Variants in DSCAM observed in about 807,000 individuals in gnomAD.
DSCAM encodes cell adhesion molecule DSCAM.
In DSCAM, 47 loss-of-function variants were observed where a neutral mutation model predicts 217.7. That is an observed-to-expected ratio of 0.22 (90% CI 0.17 to 0.28). The LOEUF (loss-of-function observed/expected upper bound fraction) is 0.28, where lower values mean the gene tolerates loss of function less well. Among genes scored for constraint, DSCAM ranks in the 10% least tolerant of loss-of-function variants. The pLI, the probability that DSCAM is intolerant of heterozygous loss-of-function variation, is 1.00. For missense variants in DSCAM, 2,080 were observed against 2,618.3 expected, an observed-to-expected ratio of 0.79 and a Z score of 4.49; for synonymous variants, 1,056 against 1,015.3, an observed-to-expected ratio of 1.04 and a Z score of -0.76.
intron 20 of DSCAM, among the ~76,000 whole-genome samples, chr21:40,121,299 A>G (rs1049605854): frequency 9.9e-5 from 15 of 152,220 alleles, no homozygotes; most frequent in African/African-American, 3.6e-4. Context: ...TCATATTTAA[A>G]ACAGAATAAT....
intron 16 of DSCAM, among the ~76,000 whole-genome samples, chr21:40,162,440 T>C (rs1437095965): frequency 6.6e-6 from 1 of 152,172 alleles, no homozygotes; most frequent in African/African-American, 2.4e-5. Context: ...GGGATTTTAG[T>C]GCAGAAGGCA....
chr21:40,243,685 ATT>A (rs754033137), intron 11 of DSCAM, among the ~76,000 whole-genome samples: 1 of 152,132 alleles, frequency 6.6e-6, no homozygotes, highest in Non-Finnish European at 1.5e-5. Flanking sequence ...TCCTCCACAC[ATT>A]GTTTCAGCAC....
rs2090850093 is a variant in DSCAM, at chr21:40,183,058, ACCGTGG to A, written c.2780-3970_2780-3965del. On this transcript the variant is annotated intron_variant, in intron 14 of 32. Coordinates refer to ENST00000400454, the MANE Select transcript of DSCAM (RefSeq NM_001389.5). ...TGGACAGGAGGGGGCTACCAGAGAA[ACCGTGG>A]ACAGGAGGGGGCTACCAGAGAAACC... 4.4e-5 allele frequency among the ~76,000 whole-genome samples: 3 copies of A among 68,694 alleles called. 1 individual carries two copies. Among genetic ancestry groups the A allele is most frequent in the Non-Finnish European group, 8.0e-5 (3 of 37,624 alleles). The allele number at this position is 68,694 out of a possible 152,430, so 45.1% of individuals were successfully genotyped here.
At chr21:40,734,760 T>G (rs1268255913) in intron 1 of DSCAM, among the ~76,000 whole-genome samples, 2 of 152,242 alleles carry the variant, frequency 1.3e-5, no homozygotes, top group Non-Finnish European at 2.9e-5. Context: ...ATACCCTTTT[T>G]TCCTTCTAAT....
chr21:40,327,467 T>C (rs1412481687), intron 8 of DSCAM, among the ~76,000 whole-genome samples: 6 of 152,200 alleles, frequency 3.9e-5, no homozygotes, highest in Admixed American at 2.0e-4. Flanking sequence ...GTTTTCTATA[T>C]ATATGGTCAT....
chr21:40,536,774 C>T (rs923775605), intron 3 of DSCAM, among the ~76,000 whole-genome samples: 11 of 152,106 alleles, frequency 7.2e-5, no homozygotes, highest in Admixed American at 6.5e-4. Flanking sequence ...CATAATATAA[C>T]GGCTGACACA....
At chr21:40,130,643 C>G (rs2090145576) in intron 19 of DSCAM, among the ~76,000 whole-genome samples, 1 of 151,860 alleles carries the variant, frequency 6.6e-6, no homozygotes, top group Admixed American at 6.6e-5. Context: ...GGATAAGAGA[C>G]TATGTCCATG....
intron 2 of DSCAM, among the ~76,000 whole-genome samples, chr21:40,696,922 C>A (rs1464160798): frequency 6.6e-6 from 1 of 152,098 alleles, no homozygotes; most frequent in African/African-American, 2.4e-5. Flanking sequence ...CACAGTAAAT[C>A]TTTTTTCTTC....
chr21:40,231,152 G>A (rs911451477), intron 11 of DSCAM, among the ~76,000 whole-genome samples: 18 of 142,516 alleles, frequency 1.3e-4, no homozygotes, highest in Non-Finnish European at 1.8e-4. Context: ...TAAATTTTCC[G>A]TGGAGAGTAG....
chr21:40,336,475 T>C (rs1261055380), intron 8 of DSCAM, among the ~76,000 whole-genome samples: 1 of 152,222 alleles, frequency 6.6e-6, no homozygotes, highest in Non-Finnish European at 1.5e-5. Context: ...TATTTTGATA[T>C]TGTATAACAA....
chr21:40,067,234 TC>T (rs1445415801), intron 27 of DSCAM, among the ~76,000 whole-genome samples: 1 of 152,180 alleles, frequency 6.6e-6, no homozygotes, highest in East Asian at 1.9e-4. Context: ...AAATACAGTT[TC>T]TACTGAATGC....
intron 3 of DSCAM, among the ~76,000 whole-genome samples, chr21:40,654,411 G>T (rs957095335): frequency 2.6e-5 from 4 of 152,202 alleles, no homozygotes; most frequent in African/African-American, 4.8e-5. Flanking sequence ...TGTGAAGCAA[G>T]AGGCTGTTCG....
At chr21:40,142,421 C>A in intron 18 of DSCAM, 137 bp downstream of exon 18, 4 of 936,948 alleles carry the variant, frequency 4.3e-6, no homozygotes, top group Non-Finnish European at 6.2e-6. Context: ...TGAGGGATGA[C>A]AGAAAAGGGG....
rs555984928 is a variant in DSCAM, at chr21:40,540,862, C to T, written c.508+151948G>A. The stretch of plus-strand genomic sequence containing the variant: ...GAGAAAATATTTTATTAAAAGGAAT[C>T]CCATATATATTACTTTTAAAGGTTT... On this transcript the variant is annotated intron_variant, in intron 3 of 32. Coordinates refer to ENST00000400454, the MANE Select transcript of DSCAM (RefSeq NM_001389.5). Among the ~76,000 whole-genome samples, 4 of 152,072 alleles carry T rather than the reference C, an allele frequency of 2.6e-5. No individual in the cohort carries two copies. The South Asian group carries it at 8.3e-4, about 32-fold the overall frequency.
intron 3 of DSCAM, among the ~76,000 whole-genome samples, chr21:40,401,408 TGTTA>T (rs2075232542): frequency 6.7e-6 from 1 of 149,770 alleles, no homozygotes. Context: ...TTTTTTTTTC[TGTTA>T]GTGTGTAGCA....
intron 2 of DSCAM, among the ~76,000 whole-genome samples, chr21:40,701,485 C>G (rs976977507): frequency 5.9e-5 from 9 of 152,008 alleles, no homozygotes; most frequent in Non-Finnish European, 8.8e-5. Flanking sequence ...GTTTTATCCT[C>G]TTTTTCAGTT....
intron 3 of DSCAM, among the ~76,000 whole-genome samples, chr21:40,501,582 G>A (rs1395535449): frequency 1.3e-5 from 2 of 152,062 alleles, no homozygotes; most frequent in Non-Finnish European, 2.9e-5. Flanking sequence ...AAGGCATTAA[G>A]CTTCGTATTC....
At chr21:40,311,963 TGAGATAAAACTGAA>T in intron 9 of DSCAM, 104 bp downstream of exon 9, 1 of 290,084 alleles carries the variant, frequency 3.4e-6, no homozygotes, top group Non-Finnish European at 5.6e-6. Flanking sequence ...TTTTTTTTAG[TGAGATAAAACTGAA>T]TTTCTAAGTT....
At chr21:40,126,181 A>G (rs1417655196) in intron 19 of DSCAM, among the ~76,000 whole-genome samples, 1 of 152,108 alleles carries the variant, frequency 6.6e-6, no homozygotes, top group African/African-American at 2.4e-5. Flanking sequence ...GTAAGTTAGA[A>G]AAGAAATTAA....
Sources: gnomAD v4.1 joint callset for allele counts (sites outside exome capture counted in the v4.1 genomes callset) on GRCh38, gnomAD v4.1.1 for gene constraint, MANE v1.5 for transcripts, NCBI Gene and HGNC (gene_info 2026-07-23, HGNC 2026-07-21) for gene names.